Variants in AKAP13 observed in about 807,000 individuals in gnomAD.
AKAP13 encodes A-kinase anchor protein 13.
A neutral mutation model predicts 264.5 loss-of-function variants in AKAP13; 80 were observed. The observed-to-expected ratio is 0.30, with a 90% CI of 0.25 to 0.36. The LOEUF (loss-of-function observed/expected upper bound fraction) is 0.36, where lower values mean the gene tolerates loss of function less well. Among genes scored for constraint, AKAP13 ranks in the 10% least tolerant of loss-of-function variants. The probability of loss-of-function intolerance (pLI) is 1.00; values close to 1 mark genes in which losing one functional copy is unlikely to be tolerated. For synonymous variants in AKAP13, 1,380 were observed against 1,250.2 expected, an observed-to-expected ratio of 1.10 and a Z score of -2.19; for missense variants, 3,712 against 3,435.2, an observed-to-expected ratio of 1.08 and a Z score of -2.01.
chr15:85,409,832 C>T (rs1265333851), intron 1 of AKAP13, among the ~76,000 whole-genome samples: 2 of 150,314 alleles, frequency 1.3e-5, no homozygotes, highest in Non-Finnish European at 3.0e-5. Flanking sequence ...GGGGTTTCAC[C>T]GTGTTAGCCA....
Position 85,575,048 on chromosome 15 carries a change from A to G in AKAP13, c.663-83A>G, listed in dbSNP as rs141203185. ...GAACCTCAAAGAACAATCAGGTTAG[A>G]AATACGAAGTAAGACTTAGAACGTT... On this transcript the variant is annotated intron_variant, in intron 5 of 36. Coordinates refer to ENST00000394518, the MANE Select transcript of AKAP13 (RefSeq NM_007200.5). 364 of 1,372,086 alleles carry G rather than the reference A, an allele frequency of 2.7e-4. 3 individuals are homozygous for G. The African/African-American group carries it at 4.8e-3, about 18-fold the overall frequency. The allele number at this position is 1,372,086 out of a possible 1,614,324, so 85.0% of individuals were successfully genotyped here. A position where few individuals can be genotyped will look rare whatever the true frequency, so the allele number is the denominator to read the frequency against.
At chr15:85,500,968 T>TA (rs2076022772) in intron 2 of AKAP13, among the ~76,000 whole-genome samples, 1 of 152,214 alleles carries the variant, frequency 6.6e-6, no homozygotes, top group South Asian at 2.1e-4. Context: ...AGTTTTATCT[T>TA]ACTGCTCAGG....
Position 85,405,374 on chromosome 15 carries a change from G to GA in AKAP13, c.-12+24579dup, listed in dbSNP as rs577151674. The stretch of plus-strand genomic sequence containing the variant: ...CTTTGGTTGTGAAGTTTGTATCCAC[G>GA]AAACAAATGAGTTTGACAAAAATCC... On this transcript the variant is annotated intron_variant, in intron 1 of 36. Coordinates refer to ENST00000394518, the MANE Select transcript of AKAP13 (RefSeq NM_007200.5). Among the ~76,000 whole-genome samples, 432 of 152,232 alleles carry GA rather than the reference G, an allele frequency of 2.8e-3. 1 individual carries two copies. Among genetic ancestry groups the GA allele is most frequent in the Non-Finnish European group, 4.8e-3 (323 of 67,998 alleles).
In AKAP13 at chr15:85,580,013, T is replaced by C. The variant is rs776105348; in HGVS notation, c.1945T>C (p.Ser649Pro). Residue 649 changes from serine to proline, a missense_variant, in exon 7 of 37, where the codon TCC (serine) becomes CCC (proline). This residue lies in a region of AKAP13 where 2,759 missense variants were observed against 2,411.7 expected (regional missense o/e 1.14). Transcript: ENST00000394518. Reference sequence around the variant, plus strand: ...TCATGCTCAAAGCCAAAAGGGCAAATCCTCACCCATTTGTTCTACAACTGG... The same window carrying C: ...TCATGCTCAAAGCCAAAAGGGCAAACCCTCACCCATTTGTTCTACAACTGG... Reference protein sequence around the residue: ...SSHAQSQKGKSSPICSTTGDD... With the variant: ...SSHAQSQKGKPSPICSTTGDD... The C allele has an allele frequency of 6.2e-7, 1 of 1,614,130 alleles. No individual in the cohort carries two copies. The highest frequency in any genetic ancestry group is 2.2e-5 in the East Asian group (1 of 44,884).
At chr15:85,645,342 A>T (rs866991945) in intron 9 of AKAP13, among the ~76,000 whole-genome samples, 71 of 152,362 alleles carry the variant, frequency 4.7e-4, no homozygotes, top group African/African-American at 4.8e-4. Context: ...TTTAAGAGCT[A>T]TTTATGGTAA....
intron 30 of AKAP13, among the ~76,000 whole-genome samples, chr15:85,733,179 C>T (rs1186489324): frequency 6.6e-6 from 1 of 152,208 alleles, no homozygotes; most frequent in East Asian, 1.9e-4. Flanking sequence ...TGAGCTCTTT[C>T]ATGCTGGTAA....
intron 25 of AKAP13, 118 bp downstream of exon 25, chr15:85,722,465 T>C (rs984867610): frequency 2.4e-6 from 2 of 844,204 alleles, no homozygotes; most frequent in Admixed American, 5.1e-5. Context: ...AAAGAGACCT[T>C]GTGTTTTATC....
At chr15:85,412,484 T>C (rs886986050) in intron 1 of AKAP13, among the ~76,000 whole-genome samples, 1 of 152,270 alleles carries the variant, frequency 6.6e-6, no homozygotes, top group Non-Finnish European at 1.5e-5. Flanking sequence ...ATTTTTGTTT[T>C]GTTTTGGAAA....
At chr15:85,505,042 T>C (rs561618975) in intron 2 of AKAP13, among the ~76,000 whole-genome samples, 14 of 152,256 alleles carry the variant, frequency 9.2e-5, no homozygotes, top group African/African-American at 3.4e-4. Flanking sequence ...TGGACAAAAA[T>C]AGACTTGAGA....
intron 8 of AKAP13, among the ~76,000 whole-genome samples, chr15:85,591,127 T>C (rs2079562027): frequency 6.6e-6 from 1 of 152,228 alleles, no homozygotes; most frequent in Non-Finnish European, 1.5e-5. Context: ...ACCTTTGCTT[T>C]ATAAGAGAAG....
rs2151604267 is a variant in AKAP13, at chr15:85,682,201, T to C, written c.5145T>C (p.Asn1715=). 6.2e-7 allele frequency: 1 copy of C among 1,613,452 alleles called. No individual in the cohort carries two copies. Among genetic ancestry groups the C allele is most frequent in the African/African-American group, 1.3e-5 (1 of 75,040 alleles). The part of the protein sequence containing the change: ...FHSTFHNTSA[N]LTESITEENY... ...GTACCTTCCACAATACCAGTGCTAA[T>C]CTGACTGAGAGGTACTATAAATTTG... is the stretch of plus-strand genomic sequence containing the variant. The change falls in exon 15 of 37, where the codon AAT becomes AAC. Residue 1715 remains asparagine (N), a synonymous_variant. Transcript: ENST00000394518.
At chr15:85,639,656 A>C (rs1465395498) in intron 9 of AKAP13, among the ~76,000 whole-genome samples, 1 of 152,240 alleles carries the variant, frequency 6.6e-6, no homozygotes, top group Non-Finnish European at 1.5e-5. Context: ...CAGACATCAT[A>C]GGTGGCTTTA....
chr15:85,438,736 A>G (rs1157438318), intron 1 of AKAP13, among the ~76,000 whole-genome samples: 1 of 151,876 alleles, frequency 6.6e-6, no homozygotes. Context: ...CCTATTTAAT[A>G]AATGGTGCTG....
At chr15:85,673,942 C>T (rs1459285164) in intron 14 of AKAP13, among the ~76,000 whole-genome samples, 3 of 151,758 alleles carry the variant, frequency 2.0e-5, no homozygotes, top group Admixed American at 6.6e-5. Flanking sequence ...CTGCCCACCT[C>T]GGCCTCCCAA....
At chr15:85,471,631 A>G (rs2074964734) in intron 1 of AKAP13, among the ~76,000 whole-genome samples, 1 of 152,230 alleles carries the variant, frequency 6.6e-6, no homozygotes, top group African/African-American at 2.4e-5. Context: ...CAATCAGCAA[A>G]TAGAACATTC....
chr15:85,513,882 A>T (rs1385704970), intron 2 of AKAP13, among the ~76,000 whole-genome samples: 1 of 104,110 alleles, frequency 9.6e-6, no homozygotes, highest in African/African-American at 4.3e-5. Context: ...ATGCTTGGTC[A>T]GAGCACTGCA....
chr15:85,641,116 A>C (rs867910677), intron 9 of AKAP13, among the ~76,000 whole-genome samples: 29 of 152,090 alleles, frequency 1.9e-4, no homozygotes, highest in Non-Finnish European at 3.5e-4. Context: ...CTTTATACAC[A>C]CTTCCTCAAG....
intron 8 of AKAP13, among the ~76,000 whole-genome samples, chr15:85,607,479 T>G (rs1278622142): frequency 6.6e-6 from 1 of 152,210 alleles, no homozygotes; most frequent in Admixed American, 6.5e-5. Flanking sequence ...TTTAACCATT[T>G]GCCTTTATTT....
At chr15:85,459,211 C>T (rs546851855) in intron 1 of AKAP13, among the ~76,000 whole-genome samples, 48 of 152,202 alleles carry the variant, frequency 3.2e-4, no homozygotes, top group Admixed American at 9.2e-4. Context: ...TTCTTTCCTT[C>T]GTCTCACTCT....
Sources: allele counts gnomAD v4.1 joint callset (sites outside exome capture counted in the v4.1 genomes callset), GRCh38; gene constraint gnomAD v4.1.1; regional missense constraint gnomAD v4.1.1; transcripts MANE v1.5; gene names NCBI Gene and HGNC (gene_info 2026-07-23, HGNC 2026-07-21).